The following NLGN4X variants were observed in gnomAD, a reference collection of about 807,000 sequenced individuals.
NLGN4X encodes neuroligin 4 X-linked, also known as neuroligin-4, X-linked.
Under a neutral mutation model 40.3 loss-of-function variants are expected in NLGN4X, and 3 were observed. That is an observed-to-expected ratio of 0.07 (90% CI 0.03 to 0.19). The LOEUF (loss-of-function observed/expected upper bound fraction) is 0.19. Among genes scored for constraint, NLGN4X ranks in the 10% least tolerant of loss-of-function variants. NLGN4X has a pLI of 1.00. For synonymous variants in NLGN4X, 270 were observed against 306.8 expected (o/e 0.88, Z 1.25); for missense variants, 382 against 708.3 (o/e 0.54, Z 5.23).
rs1470368711 is a variant in NLGN4X at position 6,151,534 on chromosome X, G to A, written c.-68C>T. The A allele has an allele frequency of 4.1e-6, 4 of 973,465 alleles. No individual in the cohort carries two copies. The highest frequency in any genetic ancestry group is 4.4e-6 in the Non-Finnish European group (3 of 684,675). The allele number at this position is 973,465 out of a possible 1,213,427, so 80.2% of individuals were successfully genotyped here. A position where few individuals can be genotyped will look rare whatever the true frequency, so the allele number is the denominator to read the frequency against. ...GGCTCCAAGGAGACAAAGCCCAGAG[G>A]CGAGCCTGCAGAGAGATAGGGCTTT... On this transcript the variant is annotated 5_prime_UTR_variant, in exon 2 of 6. Transcript: ENST00000381095.
intron 3 of NLGN4X, among the ~76,000 whole-genome samples, chrX:5,988,358 C>G (rs756822568): frequency 1.8e-5 from 2 of 112,182 alleles, no homozygotes; most frequent in African/African-American, 6.5e-5. Context: ...AGTGTCTACA[C>G]CAATTGCTAC....
chrX:5,993,371 A>G (rs1256691221), intron 3 of NLGN4X, among the ~76,000 whole-genome samples: 1 of 111,912 alleles, frequency 8.9e-6, no homozygotes, highest in Non-Finnish European at 1.9e-5. Flanking sequence ...AGCAGGGTTT[A>G]TTAATGTCAG....
chrX:6,202,462 C>T (rs1205700910), intron 1 of NLGN4X, among the ~76,000 whole-genome samples: 2 of 108,154 alleles, frequency 1.8e-5, no homozygotes, highest in Non-Finnish European at 3.8e-5. Flanking sequence ...CTCAGCCTCC[C>T]GAGTAGGTAG....
intron 3 of NLGN4X, among the ~76,000 whole-genome samples, chrX:5,979,928 ATAC>A (rs202132296): frequency 0.017 from 1,767 of 104,822 alleles, 36 homozygotes; most frequent in African/African-American, 0.061. Context: ...ACAATTTAGT[ATAC>A]TACATGTGCT....
chrX:5,961,859 AT>A lies in NLGN4X; in HGVS notation c.626-52621del, dbSNP rs1185072136. On this transcript the variant is annotated intron_variant, in intron 3 of 5. Coordinates refer to ENST00000381095, the MANE Select transcript of NLGN4X (RefSeq NM_181332.3). ...CCTGAAACTCATACAACATTAAAAA[AT>A]ATATGATTTTGAACTGCTCAAACCG... 3.6e-5 allele frequency among the ~76,000 whole-genome samples: 4 copies of A among 112,439 alleles called. No homozygotes were observed. The South Asian group carries it at 1.5e-3, about 41-fold the overall frequency.
intron 1 of NLGN4X, among the ~76,000 whole-genome samples, chrX:6,177,175 T>C (rs1198391867): frequency 8.9e-6 from 1 of 112,167 alleles, no homozygotes; most frequent in Non-Finnish European, 1.9e-5. Context: ...TGTTTTGTTT[T>C]TGAGACAGAG....
chrX:5,990,847 C>T (rs2035662951), intron 3 of NLGN4X, among the ~76,000 whole-genome samples: 1 of 111,589 alleles, frequency 9.0e-6, no homozygotes. Flanking sequence ...AATAGGCACA[C>T]CTCTAGCCAG....
At chrX:6,163,111 T>C (rs1284641246) in intron 1 of NLGN4X, among the ~76,000 whole-genome samples, 1 of 111,949 alleles carries the variant, frequency 8.9e-6, no homozygotes, top group Non-Finnish European at 1.9e-5. Context: ...GCCTTTGTTC[T>C]TACCTTGCCT....
chrX:5,982,444 T>C (rs1387180020), intron 3 of NLGN4X, among the ~76,000 whole-genome samples: 13 of 112,119 alleles, frequency 1.2e-4, no homozygotes, highest in African/African-American at 3.2e-4. Flanking sequence ...TAATAAAATA[T>C]TTGCATTATC....
chrX:5,903,129 C>A lies in NLGN4X; in HGVS notation c.1549G>T (p.Val517Phe). The A allele has an allele frequency of 8.3e-7, 1 of 1,211,960 alleles. No homozygotes were observed. The highest frequency in any genetic ancestry group is 1.1e-6 in the Non-Finnish European group (1 of 895,579). Residue 517 changes from valine to phenylalanine, a missense_variant, in exon 5 of 6, where the codon GTC (valine) becomes TTC (phenylalanine). Val to Phe is a conservative substitution (Grantham distance 50). Coordinates refer to ENST00000381095, the MANE Select transcript of NLGN4X (RefSeq NM_181332.3). ...GTCATGACCACGGCGCTGAGCATGA[C>A]GTCGTTCTTGGAAAAGTTACAACTG... ...LFSCNFSKND[V>F]MLSAVVMTYW...
At chrX:5,913,951 T>G (rs888342056) in intron 3 of NLGN4X, among the ~76,000 whole-genome samples, 1 of 112,027 alleles carries the variant, frequency 8.9e-6, no homozygotes, top group Non-Finnish European at 1.9e-5. Context: ...CCTGCCACCA[T>G]GTAAGATGTG....
chrX:5,996,097 C>G (rs987684797), intron 3 of NLGN4X, among the ~76,000 whole-genome samples: 2 of 112,130 alleles, frequency 1.8e-5, no homozygotes, highest in Non-Finnish European at 3.8e-5. Context: ...GGCATCAAAG[C>G]CATCCAAAGA....
At chrX:6,141,239 G>A (rs754340463) in intron 2 of NLGN4X, among the ~76,000 whole-genome samples, 2 of 111,296 alleles carry the variant, frequency 1.8e-5, no homozygotes, top group South Asian at 7.6e-4. Flanking sequence ...AAAACAGCCT[G>A]GTTTTAGGAG....
chrX:6,125,003 T>A (rs72609519), intron 2 of NLGN4X, among the ~76,000 whole-genome samples: 31 of 111,603 alleles, frequency 2.8e-4, no homozygotes, highest in Non-Finnish European at 5.1e-4. Context: ...ACACTAAACA[T>A]ATACACACAC....
At chrX:6,091,883 ACTTC>A (rs1166132296) in intron 2 of NLGN4X, among the ~76,000 whole-genome samples, 8 of 106,273 alleles carry the variant, frequency 7.5e-5, no homozygotes, top group South Asian at 4.2e-4. Context: ...CTCCTTCTTT[ACTTC>A]CTTCCTTCCT....
intron 3 of NLGN4X, among the ~76,000 whole-genome samples, chrX:6,011,562 G>A (rs1224855760): frequency 9.1e-6 from 1 of 110,388 alleles, no homozygotes; most frequent in Non-Finnish European, 1.9e-5. Flanking sequence ...TCTCTCCACC[G>A]ATCAGTGAAT....
At chrX:5,926,995 G>A (rs932060399) in intron 3 of NLGN4X, among the ~76,000 whole-genome samples, 2 of 105,063 alleles carry the variant, frequency 1.9e-5, no homozygotes, top group East Asian at 3.0e-4. Flanking sequence ...TCACAGGTTT[G>A]CTCTCTACTC....
intron 3 of NLGN4X, among the ~76,000 whole-genome samples, chrX:5,909,674 T>C (rs2032387685): frequency 9.2e-6 from 1 of 108,834 alleles, no homozygotes; most frequent in East Asian, 2.9e-4. Context: ...TAAGTGCACA[T>C]GTGTGTCTGT....
chrX:6,086,079 T>G (rs2038489606), intron 2 of NLGN4X, among the ~76,000 whole-genome samples: 1 of 112,014 alleles, frequency 8.9e-6, no homozygotes, highest in Admixed American at 9.5e-5. Flanking sequence ...TGTTGCTATT[T>G]GGATGTAGGT....
Sources: allele counts gnomAD v4.1 joint callset (sites outside exome capture counted in the v4.1 genomes callset), GRCh38; gene constraint gnomAD v4.1.1; transcripts MANE v1.5; gene names NCBI Gene and HGNC (gene_info 2026-07-23, HGNC 2026-07-21).